Variants in KCNK10 observed in about 807,000 individuals in gnomAD.
The protein encoded by KCNK10 is potassium two pore domain channel subfamily K member 10.
In KCNK10, 25 loss-of-function variants were observed where a neutral mutation model predicts 47.7. That is an observed-to-expected ratio of 0.52 (90% confidence interval 0.38 to 0.73). The LOEUF (loss-of-function observed/expected upper bound fraction) is 0.73, where lower values mean the gene tolerates loss of function less well. KCNK10 is among the 30% of genes least tolerant of loss of function. The pLI is 0.00. For missense variants in KCNK10, 563 were observed against 714.5 expected, an observed-to-expected ratio of 0.79 and a Z score of 2.42; for synonymous variants, 303 against 285.6, an observed-to-expected ratio of 1.06 and a Z score of -0.61.
chr14:88,296,337 A>G (rs950379153), intron 1 of KCNK10, among the ~76,000 whole-genome samples: 2 of 152,206 alleles, frequency 1.3e-5, no homozygotes, highest in African/African-American at 2.4e-5. Context: ...AGTTTTACAC[A>G]TGAAACAAGG....
At position 88,275,242 on chromosome 14, in the gene KCNK10, A is replaced by G. The variant is rs566261707; in HGVS notation, c.53-11691T>C. On this transcript the variant is annotated intron_variant, in intron 1 of 6. Transcript: ENST00000319231. Reference sequence around the variant, plus strand: ...AAACCCGCAGTTCCTCTGAGACCCCAGCCCTCTGGCTCCTCCACTTCCTAC... The same window carrying G: ...AAACCCGCAGTTCCTCTGAGACCCCGGCCCTCTGGCTCCTCCACTTCCTAC... 2.0e-5 allele frequency among the ~76,000 whole-genome samples: 3 copies of G among 152,250 alleles called. No individual in the cohort carries two copies. In the East Asian group the frequency reaches 5.8e-4, roughly 29 times the overall value.
chr14:88,299,438 T>C (rs1311055262), intron 1 of KCNK10, among the ~76,000 whole-genome samples: 1 of 152,226 alleles, frequency 6.6e-6, no homozygotes, highest in Non-Finnish European at 1.5e-5. Flanking sequence ...CATCATATGT[T>C]CATCTCCTCC....
chr14:88,193,946 G>T (rs1387416698), intron 4 of KCNK10, among the ~76,000 whole-genome samples: 1 of 152,136 alleles, frequency 6.6e-6, no homozygotes, highest in Non-Finnish European at 1.5e-5. Flanking sequence ...GGAAGACTGA[G>T]AATAAAAAAT....
At chr14:88,238,607 A>G (rs1182123896) in intron 3 of KCNK10, among the ~76,000 whole-genome samples, 3 of 152,190 alleles carry the variant, frequency 2.0e-5, no homozygotes, top group Admixed American at 1.3e-4. Flanking sequence ...CCCAGGAATC[A>G]AGGCTGCAGT....
chr14:88,270,939 C>T (rs377549070), intron 1 of KCNK10: 206 of 708,640 alleles, frequency 2.9e-4, no homozygotes, highest in Non-Finnish European at 4.2e-4. Context: ...CAGGACCTGG[C>T]GCCTGCCTAT....
chr14:88,193,469 C>G (rs886465262), intron 4 of KCNK10, among the ~76,000 whole-genome samples: 2 of 152,140 alleles, frequency 1.3e-5, no homozygotes, highest in Non-Finnish European at 2.9e-5. Context: ...AGAATTGGTG[C>G]TGGAGACTGT....
rs1254981636 is a variant in KCNK10 at position 88,197,808 on chromosome 14, G to C, written c.682-5398C>G. On this transcript the variant is annotated intron_variant, in intron 4 of 6. Transcript: ENST00000319231. Reference sequence around the variant, plus strand: ...AGTTGCAAGGGACATGGCAGTTCGAGGGAAGGAGGGAGGGAAGGAAGGAAG... The same window carrying C: ...AGTTGCAAGGGACATGGCAGTTCGACGGAAGGAGGGAGGGAAGGAAGGAAG... 3.3e-5 allele frequency among the ~76,000 whole-genome samples: 5 copies of C among 150,240 alleles called. No individual in the cohort carries two copies. In the East Asian group the frequency reaches 9.8e-4, roughly 29 times the overall value.
At position 88,323,255 on chromosome 14, in the gene KCNK10, C is replaced by A. The variant is rs976082424; in HGVS notation, c.-457G>T. Reference sequence around the variant, plus strand: ...GCACACACACACCCGCACACACACTCCCGGGCGCGCGCTTGGGCGGGCACG... The same window carrying A: ...GCACACACACACCCGCACACACACTACCGGGCGCGCGCTTGGGCGGGCACG... On this transcript the variant is annotated 5_prime_UTR_variant, in exon 1 of 7. Transcript: ENST00000319231. 2.3e-5 allele frequency: 23 copies of A among 986,946 alleles called. No individual in the cohort carries two copies. The highest frequency in any genetic ancestry group is 2.5e-5 in the Non-Finnish European group (21 of 831,244). The allele number at this position is 986,946 out of a possible 1,614,324, so 61.1% of individuals were successfully genotyped here. A position where few individuals can be genotyped will look rare whatever the true frequency, so the allele number is the denominator to read the frequency against.
upstream of KCNK10, among the ~76,000 whole-genome samples, chr14:88,326,000 T>C (rs1013516355): frequency 1.3e-5 from 2 of 152,046 alleles, no homozygotes; most frequent in African/African-American, 4.8e-5. Flanking sequence ...GCAGGATCAG[T>C]GTCTAGTGCT....
At chr14:88,274,566 A>AAAAAAAAAAAAAAAAAAAAAAAAT (rs55899872) in intron 1 of KCNK10, among the ~76,000 whole-genome samples, 2 of 139,656 alleles carry the variant, frequency 1.4e-5, no homozygotes, top group African/African-American at 6.2e-5. Context: ...AAAAAAAAAA[A>AAAAAAAAAAAAAAAAAAAAAAAAT]GATCTTATGG....
At chr14:88,206,825 A>G (rs1012438411) in intron 4 of KCNK10, among the ~76,000 whole-genome samples, 2 of 152,240 alleles carry the variant, frequency 1.3e-5, no homozygotes, top group African/African-American at 4.8e-5. Context: ...GGCAAAGTGC[A>G]CTGTCTCTGA....
chr14:88,326,254 A>G (rs1047607514), upstream of KCNK10, among the ~76,000 whole-genome samples: 6 of 150,004 alleles, frequency 4.0e-5, no homozygotes, highest in Non-Finnish European at 5.9e-5. Flanking sequence ...CGTGTCTGAA[A>G]TCAAACACAA....
At chr14:88,187,627 C>T (rs56093808) in intron 6 of KCNK10, among the ~76,000 whole-genome samples, 2 of 105,480 alleles carry the variant, frequency 1.9e-5, no homozygotes, top group Admixed American at 1.1e-4. Context: ...CAGGCTGCAC[C>T]CCCCCACACA....
chr14:88,323,728 C>T (rs1455273350), upstream of KCNK10: 1 of 152,234 alleles, frequency 6.6e-6, no homozygotes, highest in East Asian at 2.0e-4. Context: ...GCTTGGTTGC[C>T]TGGAAGGCGC....
chr14:88,197,859 GGAGAGA>G (rs71126969), intron 4 of KCNK10, among the ~76,000 whole-genome samples: 3,834 of 125,386 alleles, frequency 0.031, 151 homozygotes, highest in African/African-American at 0.11. Context: ...AGGAGGGAAG[GGAGAGA>G]GAGAGAGAGA....
In KCNK10 at chr14:88,322,967, G is replaced by T; in HGVS notation, c.-169C>A. The T allele has an allele frequency of 6.9e-7, 1 of 1,455,712 alleles. No individual in the cohort carries two copies. The highest frequency in any genetic ancestry group is 1.4e-5 in the African/African-American group (1 of 70,630). The allele number at this position is 1,455,712 out of a possible 1,614,324, so 90.2% of individuals were successfully genotyped here. A position where few individuals can be genotyped will look rare whatever the true frequency, so the allele number is the denominator to read the frequency against. On this transcript the variant is annotated 5_prime_UTR_variant, in exon 1 of 7. Coordinates refer to ENST00000319231, the MANE Select transcript of KCNK10 (RefSeq NM_138317.3). The surrounding 1 kb of genome is among the most constrained non-coding windows in gnomAD (Gnocchi z 4.8). ...GAAAAAGACAGGTGGGAAAATATTA[G>T]CTTGGGGGAGAACTGGAGAGGGCTT...
At chr14:88,308,680 C>T (rs1042619692) in intron 1 of KCNK10, among the ~76,000 whole-genome samples, 2 of 152,244 alleles carry the variant, frequency 1.3e-5, no homozygotes, top group African/African-American at 4.8e-5. Context: ...TACATGCCAT[C>T]ATCATGGGAG....
At chr14:88,268,447 C>G (rs1049303105) in intron 1 of KCNK10, among the ~76,000 whole-genome samples, 6 of 152,188 alleles carry the variant, frequency 3.9e-5, no homozygotes, top group Non-Finnish European at 5.9e-5. Flanking sequence ...GAGACCCAGA[C>G]AGGTTCAATG....
intron 2 of KCNK10, 73 bp downstream of exon 2, chr14:88,263,129 G>A: frequency 8.1e-7 from 1 of 1,235,076 alleles, no homozygotes; most frequent in Non-Finnish European, 1.1e-6. Flanking sequence ...CAAGACTAGA[G>A]ACCCAGAAAG....
Sources: gnomAD v4.1 joint callset for allele counts (sites outside exome capture counted in the v4.1 genomes callset) on GRCh38, gnomAD v4.1.1 for gene constraint, Gnocchi (gnomAD v3.1) non-coding constraint, MANE v1.5 for transcripts, NCBI Gene and HGNC (gene_info 2026-07-23, HGNC 2026-07-21) for gene names.